TMC2: variants seen among roughly 807,000 people sequenced by gnomAD.
The protein encoded by TMC2 is transmembrane channel like 2.
A neutral mutation model predicts 105.9 loss-of-function variants in TMC2; 102 were observed. That is an observed-to-expected ratio of 0.96 (90% CI 0.82 to 1.14). The LOEUF is 1.14. TMC2 is among the 50% of genes most tolerant of loss of function. The pLI is 0.00. For synonymous variants in TMC2, 402 were observed against 422.8 expected (o/e 0.95, Z 0.60); for missense variants, 1,093 against 1,134.3 (o/e 0.96, Z 0.52).
chr20:2,564,396 C>T (rs553000233), intron 4 of TMC2, among the ~76,000 whole-genome samples: 4 of 151,980 alleles, frequency 2.6e-5, no homozygotes, highest in East Asian at 2.0e-4. Flanking sequence ...ATGATCCGCC[C>T]GCCTCGGCCT....
chr20:2,557,378 G>C (rs1021531585), intron 2 of TMC2, among the ~76,000 whole-genome samples: 18 of 152,132 alleles, frequency 1.2e-4, no homozygotes, highest in Admixed American at 7.2e-4. Flanking sequence ...CATCAAAGGT[G>C]TTCTTTACTT....
At chr20:2,595,912 C>T (rs1176418022) in intron 9 of TMC2, among the ~76,000 whole-genome samples, 4 of 152,142 alleles carry the variant, frequency 2.6e-5, no homozygotes, top group Admixed American at 6.5e-5. Context: ...GCCCAGCACT[C>T]GACAGTGACC....
chr20:2,640,234 G>A (rs564254175), intron 19 of TMC2, among the ~76,000 whole-genome samples: 1 of 152,256 alleles, frequency 6.6e-6, no homozygotes, highest in South Asian at 2.1e-4. Context: ...AGCCTCAAGT[G>A]ATCCGCCTCA....
At chr20:2,574,952 C>A (rs1600108202) in intron 5 of TMC2, among the ~76,000 whole-genome samples, 1 of 152,266 alleles carries the variant, frequency 6.6e-6, no homozygotes, top group East Asian at 1.9e-4. Context: ...TCTCGAAATC[C>A]TGACCTCAGG....
chr20:2,620,578 T>C (rs2086517760), intron 16 of TMC2, among the ~76,000 whole-genome samples: 1 of 152,124 alleles, frequency 6.6e-6, no homozygotes, highest in South Asian at 2.1e-4. Flanking sequence ...TTTTTGACAA[T>C]ATTATATCAG....
At position 2,568,532 on chromosome 20, in the gene TMC2, G is replaced by C. The variant is rs76716494; in HGVS notation, c.555-3647G>C. Among the ~76,000 whole-genome samples the C allele has an allele frequency of 7.3e-3, 1,114 of 152,278 alleles. 10 individuals are homozygous for C. Among genetic ancestry groups the C allele is most frequent in the African/African-American group, 0.025 (1,036 of 41,550 alleles). ...AGAAGCGTTTGCTGCTGGGCTCAAT[G>C]ACTCAGGCGCAAGAGCTGCCCCTAC... On this transcript the variant is annotated intron_variant, in intron 4 of 19. Coordinates refer to ENST00000358864, the MANE Select transcript of TMC2 (RefSeq NM_080751.3).
chr20:2,596,989 C>T (rs1171511379), intron 9 of TMC2, among the ~76,000 whole-genome samples, 162 bp from the exon 10 acceptor site: 1 of 152,154 alleles, frequency 6.6e-6, no homozygotes, highest in Non-Finnish European at 1.5e-5. Flanking sequence ...TGGCTATCCT[C>T]AAAGCTGTCT....
At chr20:2,588,258 G>T (rs2086244313) in intron 7 of TMC2, among the ~76,000 whole-genome samples, 1 of 152,106 alleles carries the variant, frequency 6.6e-6, no homozygotes, top group Non-Finnish European at 1.5e-5. Context: ...GCCGCCATCT[G>T]CCACCCCGCA....
At position 2,562,005 on chromosome 20, in the gene TMC2, G is replaced by A. The variant is rs1365117419; in HGVS notation, c.549G>A (p.Glu183=). 6.2e-7 allele frequency: 1 copy of A among 1,613,688 alleles called. No homozygotes were observed. The highest frequency in any genetic ancestry group is 8.5e-7 in the Non-Finnish European group (1 of 1,179,760). Residue 183 remains glutamate, a synonymous_variant, in exon 4 of 20, where the codon GAG becomes GAA. Coordinates refer to ENST00000358864, the MANE Select transcript of TMC2 (RefSeq NM_080751.3). Reference sequence around the variant, plus strand: ...GGCCCATGGCGAAGAAGCTGACAGAGCTCAGGTGAGCAGGCTGCGGGTCAG... The same window carrying A: ...GGCCCATGGCGAAGAAGCTGACAGAACTCAGGTGAGCAGGCTGCGGGTCAG... ...KPWPMAKKLT[E]LREAQEFVEK...
chr20:2,594,527 C>T (rs370381577), intron 8 of TMC2, among the ~76,000 whole-genome samples: 2 of 152,142 alleles, frequency 1.3e-5, no homozygotes, highest in Admixed American at 1.3e-4. Flanking sequence ...AGTGCCCAAC[C>T]CCCTATCCCT....
intron 16 of TMC2, among the ~76,000 whole-genome samples, chr20:2,622,410 G>A (rs562046744): frequency 1.3e-5 from 2 of 152,334 alleles, no homozygotes; most frequent in Admixed American, 6.5e-5. Context: ...GCTCACACCT[G>A]TAATCCCAGT....
At chr20:2,629,244 C>CT (rs1334702165) in intron 17 of TMC2, among the ~76,000 whole-genome samples, 1 of 152,070 alleles carries the variant, frequency 6.6e-6, no homozygotes, top group Non-Finnish European at 1.5e-5. Context: ...TCTTAGATCT[C>CT]TTTTTTTCTC....
intron 2 of TMC2, among the ~76,000 whole-genome samples, chr20:2,549,568 C>T (rs1440590714): frequency 6.6e-6 from 1 of 151,964 alleles, no homozygotes; most frequent in Non-Finnish European, 1.5e-5. Context: ...CACGGTGAAA[C>T]CCTGTCTCTA....
At position 2,612,344 on chromosome 20, in the gene TMC2, A is replaced by T; in HGVS notation, c.1743+4A>T. The T allele has an allele frequency of 6.4e-7, 1 of 1,566,264 alleles. No individual in the cohort carries two copies. ...CTGGGAGACAGCTGTGGGCATTGTG[A>T]GTAGTTACACTCTCTAAAAAGGTGA... On this transcript the variant is annotated splice_donor_region_variant and intron_variant, in intron 13 of 19. Transcript: ENST00000358864.
chr20:2,605,650 G>A (rs1461984456), intron 11 of TMC2, among the ~76,000 whole-genome samples: 2 of 152,172 alleles, frequency 1.3e-5, no homozygotes, highest in Non-Finnish European at 2.9e-5. Context: ...GTGGGAGGAG[G>A]AGGAGACACG....
chr20:2,639,740 T>C (rs558391454), intron 19 of TMC2, among the ~76,000 whole-genome samples: 6 of 152,288 alleles, frequency 3.9e-5, no homozygotes, highest in South Asian at 4.1e-4. Context: ...CTTGGGGCTA[T>C]TGCTCCTCGG....
At chr20:2,578,038 G>A (rs573379684) in intron 5 of TMC2, among the ~76,000 whole-genome samples, 38 of 151,954 alleles carry the variant, frequency 2.5e-4, no homozygotes, top group Non-Finnish European at 4.7e-4. Context: ...AATAGGAACC[G>A]GGCCAGGCAC....
At chr20:2,556,359 G>A (rs1055465743) in intron 2 of TMC2, among the ~76,000 whole-genome samples, 5 of 152,302 alleles carry the variant, frequency 3.3e-5, no homozygotes, top group African/African-American at 7.2e-5. Flanking sequence ...GATTACAGGC[G>A]TGAGCCACCA....
In TMC2 at chr20:2,641,505, T is replaced by C; in HGVS notation, c.*154T>C. 1.7e-6 allele frequency: 1 copy of C among 603,986 alleles called. No individual in the cohort carries two copies. Among genetic ancestry groups the C allele is most frequent in the Non-Finnish European group, 2.9e-6 (1 of 340,926 alleles). The allele number at this position is 603,986 out of a possible 1,614,324, so 37.4% of individuals were successfully genotyped here. A position where few individuals can be genotyped will look rare whatever the true frequency, so the allele number is the denominator to read the frequency against. Reference sequence around the variant, plus strand: ...ATGAACTTTGATTCCTTCAGGCCCTTGTCAGCTACCGAAGGAGGAAGACAG... The same window carrying C: ...ATGAACTTTGATTCCTTCAGGCCCTCGTCAGCTACCGAAGGAGGAAGACAG... On this transcript the variant is annotated 3_prime_UTR_variant, in exon 20 of 20. Coordinates refer to ENST00000358864, the MANE Select transcript of TMC2 (RefSeq NM_080751.3).
Sources: allele counts gnomAD v4.1 joint callset (sites outside exome capture counted in the v4.1 genomes callset), GRCh38; gene constraint gnomAD v4.1.1; transcripts MANE v1.5; gene names NCBI Gene and HGNC (gene_info 2026-07-23, HGNC 2026-07-21).